The following PPIL6 variants were observed in gnomAD, a reference collection of about 807,000 sequenced individuals.
PPIL6 encodes probable inactive peptidyl-prolyl cis-trans isomerase-like 6.
Under a neutral mutation model 36.8 loss-of-function variants are expected in PPIL6, and 39 were observed. The ratio of observed to expected loss-of-function variants is 1.06; its 90% confidence interval spans 0.82 to 1.38. PPIL6 has a LOEUF of 1.38. Among genes scored for constraint, PPIL6 ranks in the 40% most tolerant of loss-of-function variants. The pLI, the probability that PPIL6 is intolerant of heterozygous loss-of-function variation, is 0.00. For synonymous variants in PPIL6, 123 were observed against 134.1 expected, an observed-to-expected ratio of 0.92 and a Z score of 0.57; for missense variants, 368 against 379.1, an observed-to-expected ratio of 0.97 and a Z score of 0.24.
intron 6 of PPIL6, among the ~76,000 whole-genome samples, chr6:109,414,098 TAA>T (rs1171199046): frequency 1.3e-5 from 2 of 152,130 alleles, no homozygotes; most frequent in African/African-American, 2.4e-5. Context: ...CCTTTTAAAA[TAA>T]AAGTGTATAA....
At chr6:109,400,230 A>C in intron 6 of PPIL6, 60 bp from the exon 7 acceptor site, 1 of 1,416,286 alleles carries the variant, frequency 7.1e-7, no homozygotes, top group Non-Finnish European at 9.7e-7. Context: ...ATTTATTGTA[A>C]CATATAAGGA....
Position 109,439,966 on chromosome 6 carries a change from T to C in PPIL6, c.135+490A>G, listed in dbSNP as rs180825156. ...AGCACTTGTGAAGCATCTAGTTCGATTGGAACGCAGTGACGGCTCTATAAA... is the reference window on the plus strand; with the variant it reads ...AGCACTTGTGAAGCATCTAGTTCGACTGGAACGCAGTGACGGCTCTATAAA... On this transcript the variant is annotated intron_variant, in intron 1 of 7. Coordinates refer to ENST00000521072, the MANE Select transcript of PPIL6 (RefSeq NM_173672.5). 2.8e-3 allele frequency among the ~76,000 whole-genome samples: 426 copies of C among 152,244 alleles called. 1 individual carries two copies. The highest frequency in any genetic ancestry group is 9.7e-3 in the African/African-American group (402 of 41,540).
chr6:109,427,022 A>C (rs913197488), intron 4 of PPIL6, 28 bp from the exon 5 acceptor site: 6 of 1,597,270 alleles, frequency 3.8e-6, no homozygotes, highest in Non-Finnish European at 5.1e-6. Flanking sequence ...AAGGTTTCAA[A>C]GATTAAATAT....
intron 1 of PPIL6, 142 bp from the exon 2 acceptor site, chr6:109,436,341 C>T (rs990957538): frequency 2.8e-5 from 17 of 596,518 alleles, no homozygotes; most frequent in Non-Finnish European, 4.5e-5. Flanking sequence ...ATTCCTTGCT[C>T]GCTGTCAGAG....
intron 5 of PPIL6, among the ~76,000 whole-genome samples, chr6:109,425,858 T>C (rs1181370490): frequency 1.3e-5 from 2 of 151,272 alleles, no homozygotes; most frequent in Admixed American, 6.6e-5. Flanking sequence ...CCTTGAGAAA[T>C]GTTTTATACT....
In PPIL6 at chr6:109,392,725, G is replaced by A. The variant is rs772137399; in HGVS notation, c.*101C>T. On this transcript the variant is annotated 3_prime_UTR_variant, in exon 8 of 8. Transcript: ENST00000521072. ...TGAGGCAACCTACAGTGTCTGCCACGGCTTTCAAATTACAATTTATCAAGT... is the reference window on the plus strand; with the variant it reads ...TGAGGCAACCTACAGTGTCTGCCACAGCTTTCAAATTACAATTTATCAAGT... The A allele has an allele frequency of 1.4e-4, 103 of 714,780 alleles. No homozygotes were observed. The highest frequency in any genetic ancestry group is 1.9e-4 in the East Asian group (7 of 35,990). 44.3% of individuals were successfully genotyped at this position (714,780 alleles called of 1,614,324 possible). A position where few individuals can be genotyped will look rare whatever the true frequency, so the allele number is the denominator to read the frequency against.
At position 109,419,182 on chromosome 6, in the gene PPIL6, C is replaced by T. The variant is rs1773417818; in HGVS notation, c.688+5G>A. The T allele has an allele frequency of 2.0e-6, 3 of 1,501,548 alleles. No individual in the cohort carries two copies. The highest frequency in any genetic ancestry group is 2.3e-5 in the East Asian group (1 of 44,132). 93.0% of individuals were successfully genotyped at this position (1,501,548 alleles called of 1,614,324 possible). ...ATATAACTAACAAAATGTAAAGATACATACCTTCAAATGTTGGACCATAAA... is the reference window on the plus strand; with the variant it reads ...ATATAACTAACAAAATGTAAAGATATATACCTTCAAATGTTGGACCATAAA... On this transcript the variant is annotated splice_donor_5th_base_variant and intron_variant, in intron 6 of 7. Coordinates refer to ENST00000521072, the MANE Select transcript of PPIL6 (RefSeq NM_173672.5).
intron 4 of PPIL6, 29 bp from the exon 5 acceptor site, chr6:109,427,023 G>T (rs944801392): frequency 1.3e-6 from 2 of 1,596,118 alleles, no homozygotes; most frequent in Admixed American, 1.7e-5. Context: ...AGGTTTCAAA[G>T]ATTAAATATT....
chr6:109,425,382 T>C (rs1012915441), intron 5 of PPIL6, among the ~76,000 whole-genome samples: 10 of 152,156 alleles, frequency 6.6e-5, no homozygotes, highest in African/African-American at 2.4e-4. Context: ...ACAAATAATA[T>C]GACCTACTTT....
At position 109,440,505 on chromosome 6, in the gene PPIL6, A is replaced by C. The variant is rs1054465686; in HGVS notation, c.86T>G (p.Val29Gly). The C allele has an allele frequency of 6.6e-7, 1 of 1,525,486 alleles. No homozygotes were observed. Among genetic ancestry groups the C allele is most frequent in the South Asian group, 1.2e-5 (1 of 81,756 alleles). The allele number at this position is 1,525,486 out of a possible 1,614,324, so 94.5% of individuals were successfully genotyped here. The change falls in exon 1 of 8, where the codon GTG becomes GGG. Residue 29 changes from valine to glycine, a missense_variant. Physicochemically the swap from Val to Gly is moderately radical, Grantham distance 109 (BLOSUM62 -3). Coordinates refer to ENST00000521072, the MANE Select transcript of PPIL6 (RefSeq NM_173672.5). ...AAAGTTGGGGCAGCTGAAGAGCCCC[A>C]CCACCTTCACCTGCAGCGGCCGCTC... Reference protein sequence around the residue: ...LPERPLQVKVVGLFSCPNFQI... With the variant: ...LPERPLQVKVGGLFSCPNFQI...
At chr6:109,401,589 G>T (rs1426169812) in intron 6 of PPIL6, among the ~76,000 whole-genome samples, 1 of 152,088 alleles carries the variant, frequency 6.6e-6, no homozygotes, top group Admixed American at 6.6e-5. Flanking sequence ...TGCTGATGAG[G>T]CATGTTTGTA....
chr6:109,397,770 G>C (rs1395163873), intron 7 of PPIL6, among the ~76,000 whole-genome samples: 1 of 152,082 alleles, frequency 6.6e-6, no homozygotes, highest in African/African-American at 2.4e-5. Flanking sequence ...CTTTAGCTGA[G>C]ATATAAAAGA....
intron 3 of PPIL6, among the ~76,000 whole-genome samples, chr6:109,429,857 T>C (rs1774035527): frequency 6.6e-6 from 1 of 152,144 alleles, no homozygotes; most frequent in Admixed American, 6.5e-5. Flanking sequence ...ATACACACCT[T>C]TTCGCCTTCG....
intron 6 of PPIL6, among the ~76,000 whole-genome samples, chr6:109,415,028 A>G (rs1773185648): frequency 6.6e-6 from 1 of 152,196 alleles, no homozygotes; most frequent in African/African-American, 2.4e-5. Flanking sequence ...GGATCATCAT[A>G]ACAGTCTTCA....
chr6:109,430,035 T>A (rs1244725517), intron 3 of PPIL6, among the ~76,000 whole-genome samples: 1 of 152,220 alleles, frequency 6.6e-6, no homozygotes, highest in Admixed American at 6.5e-5. Flanking sequence ...GAACATTAAA[T>A]GCCTCCCCAC....
chr6:109,430,904 C>G (rs1214104017), intron 3 of PPIL6, among the ~76,000 whole-genome samples: 1 of 152,144 alleles, frequency 6.6e-6, no homozygotes. Flanking sequence ...GTAATTCATG[C>G]ATATAAATCT....
At chr6:109,441,070 C>T (rs1317592320), upstream of PPIL6, 1 of 1,598,156 alleles carries the variant, frequency 6.3e-7, no homozygotes, top group Non-Finnish European at 8.6e-7. Context: ...GTCCCCACCG[C>T]GGCCGTCGCT....
intron 6 of PPIL6, among the ~76,000 whole-genome samples, chr6:109,412,420 C>A (rs768218945): frequency 3.3e-5 from 5 of 152,160 alleles, no homozygotes; most frequent in Non-Finnish European, 5.9e-5. Flanking sequence ...CCATGAAAGA[C>A]CCCGAATAGC....
intron 6 of PPIL6, chr6:109,403,180 T>C: frequency 8.9e-7 from 1 of 1,124,770 alleles, no homozygotes; most frequent in Non-Finnish European, 1.2e-6. Context: ...TTGCTAGTTG[T>C]TCAGACTAGT....
Sources: gnomAD v4.1 joint callset for allele counts (sites outside exome capture counted in the v4.1 genomes callset) on GRCh38, gnomAD v4.1.1 for gene constraint, MANE v1.5 for transcripts, NCBI Gene and HGNC (gene_info 2026-07-23, HGNC 2026-07-21) for gene names.